The following LAMC3 variants were observed in gnomAD, a reference collection of about 807,000 sequenced individuals.
LAMC3 encodes laminin subunit gamma-3.
A neutral mutation model predicts 173.8 loss-of-function variants in LAMC3; 128 were observed. The ratio of observed to expected loss-of-function variants is 0.74; its 90% CI spans 0.64 to 0.85. The LOEUF is 0.85. LAMC3 is among the 40% of genes least tolerant of loss of function. LAMC3 has a pLI of 0.00. For missense variants in LAMC3, 2,022 were observed against 2,156.0 expected (o/e 0.94, Z 1.23); for synonymous variants, 897 against 909.1 (o/e 0.99, Z 0.24).
chr9:131,087,436 C>T (rs1290034219), intron 25 of LAMC3, 40 bp from the exon 26 acceptor site: 17 of 1,612,832 alleles, frequency 1.1e-5, no homozygotes, highest in Non-Finnish European at 1.4e-5. Flanking sequence ...GGACTTGCTG[C>T]ACTCACTTCT....
In LAMC3 at chr9:131,087,519, G is replaced by T. The variant is rs74801489; in HGVS notation, c.4274G>T (p.Arg1425Leu). Residue 1425 changes from arginine to leucine, a missense_variant, in exon 26 of 28, where the codon CGT becomes CTT. Coordinates refer to ENST00000361069, the MANE Select transcript of LAMC3 (RefSeq NM_006059.4). ...AGGGAGCGGAAACAGGCGCACCGCC[G>T]TGCCAGCAGGCTCACCAGCCAGACG... Reference protein sequence around the residue: ...LLRERKQAHRRASRLTSQTQA... With the variant: ...LLRERKQAHRLASRLTSQTQA... 2 of 1,613,688 alleles carry T rather than the reference G, an allele frequency of 1.2e-6. No homozygotes were observed. Among genetic ancestry groups the T allele is most frequent in the Admixed American group, 1.7e-5 (1 of 60,012 alleles).
intron 12 of LAMC3, among the ~76,000 whole-genome samples, chr9:131,058,758 G>C (rs1043414697): frequency 6.6e-6 from 1 of 151,852 alleles, no homozygotes; most frequent in South Asian, 2.1e-4. Context: ...GCTGGGTGTG[G>C]TGGCAGGCAC....
chr9:131,039,843 A>G (rs1376129262), intron 6 of LAMC3, among the ~76,000 whole-genome samples: 1 of 151,916 alleles, frequency 6.6e-6, no homozygotes, highest in African/African-American at 2.4e-5. Context: ...GCTGAGTGTC[A>G]TCTGGGTGCA....
At chr9:131,028,032 T>G (rs1460904918) in intron 2 of LAMC3, among the ~76,000 whole-genome samples, 5 of 152,344 alleles carry the variant, frequency 3.3e-5, no homozygotes, top group Non-Finnish European at 5.9e-5. Flanking sequence ...TACTGGTCCA[T>G]GGCCTGTTAG....
At chr9:131,072,898 C>A in intron 19 of LAMC3, 63 bp downstream of exon 19, 5 of 1,476,272 alleles carry the variant, frequency 3.4e-6, no homozygotes, top group Non-Finnish European at 3.7e-6. Flanking sequence ...TGCCCCAGCC[C>A]TCCCATTGAC....
In LAMC3 at chr9:131,068,324, T is replaced by C. The variant is rs1351320053; in HGVS notation, c.2747+93T>C. 3.6e-6 allele frequency: 5 copies of C among 1,372,122 alleles called. No individual in the cohort carries two copies. In the East Asian group the frequency reaches 1.2e-4, roughly 33 times the overall value. The allele number at this position is 1,372,122 out of a possible 1,614,324, so 85.0% of individuals were successfully genotyped here. Reference sequence around the variant, plus strand: ...CCAGGGAGGGGCCTGGTTTGGAAGGTGTTGTCCTAGGCCCACTGCCAGGCA... The same window carrying C: ...CCAGGGAGGGGCCTGGTTTGGAAGGCGTTGTCCTAGGCCCACTGCCAGGCA... On this transcript the variant is annotated intron_variant, in intron 15 of 27. Transcript: ENST00000361069.
intron 6 of LAMC3, among the ~76,000 whole-genome samples, chr9:131,039,550 G>C (rs1029097093): frequency 6.6e-6 from 1 of 152,034 alleles, no homozygotes; most frequent in Non-Finnish European, 1.5e-5. Context: ...GAGGTGGGGT[G>C]GGGGGCACGG....
chr9:131,012,155 A>G (rs1320804755), intron 1 of LAMC3, among the ~76,000 whole-genome samples: 1 of 152,152 alleles, frequency 6.6e-6, no homozygotes, highest in Non-Finnish European at 1.5e-5. Context: ...CCAGGCATAT[A>G]GGAGAGAGTC....
intron 1 of LAMC3, among the ~76,000 whole-genome samples, chr9:131,013,857 G>T (rs894530512): frequency 1.3e-5 from 2 of 152,134 alleles, no homozygotes; most frequent in Non-Finnish European, 1.5e-5. Context: ...CCCCTGAGGG[G>T]TCCTGGAGCC....
chr9:131,060,544 T>C (rs1829785266), intron 12 of LAMC3, among the ~76,000 whole-genome samples: 1 of 152,060 alleles, frequency 6.6e-6, no homozygotes, highest in Non-Finnish European at 1.5e-5. Context: ...CTTGGGAGGC[T>C]GAGGCAGTAA....
rs780144854 is a variant in LAMC3, at chr9:131,067,087, C to A, written c.2475C>A (p.Asp825Glu). ...ACCCCAATGCCGTGGGCAACTGTGA[C>A]CCCCTGTCTGGCCACTGCCTGCGCT... ...NVDPNAVGNC[D>E]PLSGHCLRCL... Residue 825 changes from aspartate to glutamate, a missense_variant, in exon 14 of 28, where the codon GAC becomes GAA. Asp to Glu is a conservative substitution (Grantham distance 45). Coordinates refer to ENST00000361069, the MANE Select transcript of LAMC3 (RefSeq NM_006059.4). 1.9e-6 allele frequency: 3 copies of A among 1,614,160 alleles called. No individual in the cohort carries two copies. The highest frequency in any genetic ancestry group is 1.6e-4 in the Middle Eastern group (1 of 6,062).
In LAMC3 at chr9:131,041,523, G is replaced by T. The variant is rs1834057258; in HGVS notation, c.1284-114G>T. ...AACAGTAAAGCCAGGTCAGTTACCT[G>T]CGTCAGCCTCACTCCTGATGTTGGC... On this transcript the variant is annotated intron_variant, in intron 6 of 27. Coordinates refer to ENST00000361069, the MANE Select transcript of LAMC3 (RefSeq NM_006059.4). 3 of 900,832 alleles carry T rather than the reference G, an allele frequency of 3.3e-6. No homozygotes were observed. The African/African-American group carries it at 4.9e-5, about 15-fold the overall frequency. 55.8% of individuals were successfully genotyped at this position (900,832 alleles called of 1,614,324 possible). A position where few individuals can be genotyped will look rare whatever the true frequency, so the allele number is the denominator to read the frequency against.
rs1262366000 is a variant in LAMC3, at chr9:131,045,589, A to G, written c.1448A>G (p.Tyr483Cys). 5.0e-6 allele frequency: 8 copies of G among 1,614,010 alleles called. No homozygotes were observed. Among genetic ancestry groups the G allele is most frequent in the South Asian group, 1.1e-5 (1 of 91,084 alleles). ...NPAGCSSCFCYGHSKVCASTA... is the reference protein window; with the variant it reads ...NPAGCSSCFCCGHSKVCASTA... The stretch of plus-strand genomic sequence containing the variant: ...GCTGGCTGCAGCAGCTGTTTCTGCT[A>G]TGGCCACTCCAAGGTGTGCGCGTCC... The change falls in exon 8 of 28, where the codon TAT becomes TGT. Residue 483 changes from tyrosine to cysteine, a missense_variant. Transcript: ENST00000361069.
chr9:131,086,587 T>TTTTTTTTTTTTTTTG (rs1830336041), intron 25 of LAMC3, among the ~76,000 whole-genome samples: 1 of 145,250 alleles, frequency 6.9e-6, no homozygotes, highest in Admixed American at 6.9e-5. Context: ...TTTTTTTTTT[T>TTTTTTTTTTTTTTTG]GCAGAGATGA....
chr9:131,031,296 C>G (rs533597049), intron 2 of LAMC3, among the ~76,000 whole-genome samples: 1 of 152,166 alleles, frequency 6.6e-6, no homozygotes. Flanking sequence ...TCAGTCTTCA[C>G]GTGGGTTTTC....
chr9:131,065,582 GATA>G (rs1044985163), intron 13 of LAMC3, among the ~76,000 whole-genome samples: 2 of 152,100 alleles, frequency 1.3e-5, no homozygotes, highest in African/African-American at 4.8e-5. Flanking sequence ...AGAAAATGAA[GATA>G]ATGATCAAAA....
chr9:131,036,420 G>T, intron 4 of LAMC3, 88 bp downstream of exon 4: 10 of 1,494,450 alleles, frequency 6.7e-6, no homozygotes, highest in Admixed American at 1.8e-5. Flanking sequence ...CGTGGTGGGG[G>T]CTGCTCCTGG....
intron 13 of LAMC3, among the ~76,000 whole-genome samples, chr9:131,062,968 G>A (rs117094020): frequency 0.014 from 2,089 of 152,004 alleles, 28 homozygotes; most frequent in Non-Finnish European, 0.021. Context: ...GAATTTGACT[G>A]CTCCCAGTAT....
At chr9:131,017,806 A>G (rs929727012) in intron 1 of LAMC3, among the ~76,000 whole-genome samples, 8 of 150,340 alleles carry the variant, frequency 5.3e-5, no homozygotes, top group Admixed American at 1.3e-4. Context: ...CGGGCGGATC[A>G]CCTTCGGTCA....
Sources: allele counts gnomAD v4.1 joint callset (sites outside exome capture counted in the v4.1 genomes callset), GRCh38; gene constraint gnomAD v4.1.1; transcripts MANE v1.5; gene names NCBI Gene and HGNC (gene_info 2026-07-23, HGNC 2026-07-21).